Variants in TAFA2 observed in about 807,000 individuals in gnomAD.
TAFA2 encodes the protein TAFA chemokine like family member 2, also known as chemokine-like protein TAFA-2.
In TAFA2, 7 loss-of-function variants were observed where a neutral mutation model predicts 18.8. That is an observed-to-expected ratio of 0.37 (90% confidence interval 0.21 to 0.70). TAFA2 has a LOEUF of 0.70. Among genes scored for constraint, TAFA2 ranks in the 30% least tolerant of loss-of-function variants. The pLI, the probability that TAFA2 is intolerant of heterozygous loss-of-function variation, is 0.53. For missense variants in TAFA2, 122 were observed against 158.1 expected (o/e 0.77, Z 1.23); for synonymous variants, 60 against 54.2 (o/e 1.11, Z -0.47).
intron 1 of TAFA2, among the ~76,000 whole-genome samples, chr12:61,889,368 T>C (rs533335458): frequency 6.6e-6 from 1 of 152,288 alleles, no homozygotes; most frequent in East Asian, 1.9e-4. Flanking sequence ...TCTGCGTTGT[T>C]CCCTATGGCT....
At chr12:61,955,632 A>AATATATATATATAT (rs775755094) in intron 1 of TAFA2, among the ~76,000 whole-genome samples, 25 of 41,184 alleles carry the variant, frequency 6.1e-4, no homozygotes, top group East Asian at 1.3e-3. Flanking sequence ...AAAAAAAAAA[A>AATATATATATATAT]ATATATATAT....
At chr12:62,150,375 A>T (rs1456143180) in intron 1 of TAFA2, among the ~76,000 whole-genome samples, 1 of 152,236 alleles carries the variant, frequency 6.6e-6, no homozygotes, top group South Asian at 2.1e-4. Context: ...AGCATATTCT[A>T]GAAAAAGAAG....
intron 1 of TAFA2, among the ~76,000 whole-genome samples, chr12:61,957,125 C>T (rs1416448142): frequency 6.6e-6 from 1 of 152,088 alleles, no homozygotes; most frequent in Non-Finnish European, 1.5e-5. Flanking sequence ...AGGATTTATG[C>T]CCTGTGCCAG....
chr12:61,856,636 T>A (rs1873896595), intron 2 of TAFA2, among the ~76,000 whole-genome samples: 1 of 151,980 alleles, frequency 6.6e-6, no homozygotes, highest in Non-Finnish European at 1.5e-5. Flanking sequence ...CTAGTCTAGA[T>A]CATTTTTGTT....
At chr12:62,109,869 A>G (rs1317125062) in intron 1 of TAFA2, among the ~76,000 whole-genome samples, 1 of 152,174 alleles carries the variant, frequency 6.6e-6, no homozygotes, top group African/African-American at 2.4e-5. Context: ...CAGTTTAAGG[A>G]GATTTGGGGC....
intron 2 of TAFA2, among the ~76,000 whole-genome samples, chr12:61,792,328 G>A (rs990680058): frequency 9.2e-5 from 14 of 151,480 alleles, no homozygotes; most frequent in African/African-American, 3.4e-4. Context: ...GTGTTTTATT[G>A]CACAGTAGAT....
chr12:61,744,485 T>G (rs1296635876), intron 4 of TAFA2, among the ~76,000 whole-genome samples: 1 of 152,134 alleles, frequency 6.6e-6, no homozygotes, highest in Non-Finnish European at 1.5e-5. Context: ...AATACCAAGG[T>G]AGACACTCTT....
intron 2 of TAFA2, among the ~76,000 whole-genome samples, chr12:61,815,307 T>C (rs1872034101): frequency 6.6e-6 from 1 of 151,070 alleles, no homozygotes; most frequent in African/African-American, 2.5e-5. Flanking sequence ...AAAAAGAAAA[T>C]CAAGAATTAT....
chr12:61,747,591 C>A (rs1868784543), intron 4 of TAFA2, among the ~76,000 whole-genome samples: 1 of 151,008 alleles, frequency 6.6e-6, no homozygotes, highest in Admixed American at 6.6e-5. Context: ...TGGAAATCAT[C>A]ATTCTCAGTA....
At chr12:62,090,205 G>A (rs1868650976) in intron 1 of TAFA2, among the ~76,000 whole-genome samples, 1 of 151,952 alleles carries the variant, frequency 6.6e-6, no homozygotes, top group South Asian at 2.1e-4. Context: ...CTCTAGTCCA[G>A]CAGAGTTAAA....
chr12:62,069,179 C>A (rs1882565111), intron 1 of TAFA2, among the ~76,000 whole-genome samples: 1 of 152,132 alleles, frequency 6.6e-6, no homozygotes, highest in Non-Finnish European at 1.5e-5. Context: ...CAGGCTGACT[C>A]CTTTCTCACT....
chr12:62,256,560 A>C (rs1224816121), intron 1 of TAFA2, among the ~76,000 whole-genome samples: 2 of 152,194 alleles, frequency 1.3e-5, no homozygotes, highest in Admixed American at 1.3e-4. Context: ...AAGAAAACGA[A>C]TGGTCACAGA....
rs377596419 is a variant in TAFA2, at chr12:61,962,238, G to A, written c.-1-94812C>T. ...AATTTATTTAAGTATCAGCTTCTCA[G>A]CTTCAATTCAAAGCAGAACTCAAGT... On this transcript the variant is annotated intron_variant, in intron 1 of 4. Coordinates refer to ENST00000416284, the MANE Select transcript of TAFA2 (RefSeq NM_178539.5). 1.2e-4 allele frequency among the ~76,000 whole-genome samples: 19 copies of A among 152,020 alleles called. 1 individual carries two copies. The South Asian group carries it at 3.5e-3, about 28-fold the overall frequency.
intron 1 of TAFA2, among the ~76,000 whole-genome samples, chr12:61,905,182 T>C (rs1448648248): frequency 1.4e-5 from 2 of 141,332 alleles, no homozygotes; most frequent in Non-Finnish European, 3.2e-5. Context: ...TATACTCCTA[T>C]GGTGTAAAAA....
intron 1 of TAFA2, among the ~76,000 whole-genome samples, chr12:62,172,459 T>C (rs984085700): frequency 6.6e-6 from 1 of 152,224 alleles, no homozygotes; most frequent in Non-Finnish European, 1.5e-5. Context: ...CTCCTGATGT[T>C]ACTTGAATGA....
intron 1 of TAFA2, among the ~76,000 whole-genome samples, chr12:61,886,946 G>T (rs541632547): frequency 6.6e-6 from 1 of 152,186 alleles, no homozygotes; most frequent in South Asian, 2.1e-4. Flanking sequence ...CAAAATTAAC[G>T]AGTGCCTCAA....
intron 1 of TAFA2, among the ~76,000 whole-genome samples, chr12:62,221,269 G>T (rs1287682603): frequency 6.6e-6 from 1 of 151,176 alleles, no homozygotes; most frequent in Non-Finnish European, 1.5e-5. Flanking sequence ...AAGGAAGTTT[G>T]AAAGAAAAGA....
At chr12:62,073,442 T>C (rs1472818402) in intron 1 of TAFA2, among the ~76,000 whole-genome samples, 1 of 151,032 alleles carries the variant, frequency 6.6e-6, no homozygotes, top group African/African-American at 2.4e-5. Context: ...ATCTATATAT[T>C]ATAGATAAGA....
intron 1 of TAFA2, among the ~76,000 whole-genome samples, chr12:62,237,282 C>T (rs1390587749): frequency 6.6e-6 from 1 of 152,142 alleles, no homozygotes; most frequent in African/African-American, 2.4e-5. Flanking sequence ...CCGAGGCGGG[C>T]AGATCATGAG....
Sources: gnomAD v4.1 joint callset for allele counts (sites outside exome capture counted in the v4.1 genomes callset) on GRCh38, gnomAD v4.1.1 for gene constraint, MANE v1.5 for transcripts, NCBI Gene and HGNC (gene_info 2026-07-23, HGNC 2026-07-21) for gene names.